LOC128462377: variants seen among roughly 807,000 people sequenced by gnomAD.
chr16:89,415,261 C>CTTT, the LOC128462377 span, among the ~76,000 whole-genome samples: 14 of 84,534 alleles, frequency 1.7e-4, no homozygotes, highest in East Asian at 3.5e-4. Context: ...GCCAGCTATT[C>CTTT]TTTTTTTTTT....
chr16:89,381,938 G>T, the LOC128462377 span, among the ~76,000 whole-genome samples: 1 of 152,182 alleles, frequency 6.6e-6, no homozygotes, highest in African/African-American at 2.4e-5. Flanking sequence ...CTCTCCACGG[G>T]GCTCAGACTG....
At chr16:89,394,763 TA>T in the LOC128462377 span, among the ~76,000 whole-genome samples, 1 of 152,198 alleles carries the variant, frequency 6.6e-6, no homozygotes, top group Non-Finnish European at 1.5e-5. Flanking sequence ...AAGGATGCTG[TA>T]AAATTACACA....
At chr16:89,319,124 G>A in the LOC128462377 span, among the ~76,000 whole-genome samples, 2 of 152,172 alleles carry the variant, frequency 1.3e-5, no homozygotes, top group African/African-American at 4.8e-5. Context: ...ACGGAAAAAC[G>A]GGGCCTTCAC....
At chr16:89,410,736 G>C in the LOC128462377 span, among the ~76,000 whole-genome samples, 4 of 152,208 alleles carry the variant, frequency 2.6e-5, no homozygotes, top group Non-Finnish European at 2.9e-5. Flanking sequence ...AGCATCCTTG[G>C]ATTTACAAAG....
At chr16:89,345,163 C>A in the LOC128462377 span, among the ~76,000 whole-genome samples, 1 of 151,918 alleles carries the variant, frequency 6.6e-6, no homozygotes, top group African/African-American at 2.4e-5. Context: ...AAACTCCCAA[C>A]ATAACCACAA....
the LOC128462377 span, among the ~76,000 whole-genome samples, chr16:89,365,843 C>T: frequency 1.3e-5 from 2 of 152,116 alleles, no homozygotes; most frequent in African/African-American, 2.4e-5. Context: ...GTTATTTTTT[C>T]TGTTCCTCTC....
At chr16:89,361,852 A>T in the LOC128462377 span, among the ~76,000 whole-genome samples, 1 of 152,346 alleles carries the variant, frequency 6.6e-6, no homozygotes, top group East Asian at 1.9e-4. Context: ...AACAAAAAAA[A>T]TCCGCACTCT....
the LOC128462377 span, among the ~76,000 whole-genome samples, chr16:89,341,783 C>T: frequency 6.6e-6 from 1 of 152,374 alleles, no homozygotes; most frequent in South Asian, 2.1e-4. Context: ...AAAAAGTGGC[C>T]AAGAGATGGC....
At chr16:89,381,268 G>T in the LOC128462377 span, among the ~76,000 whole-genome samples, 2 of 150,176 alleles carry the variant, frequency 1.3e-5, no homozygotes, top group African/African-American at 4.9e-5. Flanking sequence ...GGAGGCGGAG[G>T]TTGCAGTGAG....
At chr16:89,364,880 G>A in the LOC128462377 span, among the ~76,000 whole-genome samples, 1 of 152,228 alleles carries the variant, frequency 6.6e-6, no homozygotes, top group Admixed American at 6.5e-5. Context: ...CTGGCACGCA[G>A]ATGGCCCAGG....
At chr16:89,409,569 G>C in the LOC128462377 span, among the ~76,000 whole-genome samples, 1 of 152,170 alleles carries the variant, frequency 6.6e-6, no homozygotes, top group Non-Finnish European at 1.5e-5. Flanking sequence ...ATCACACAGC[G>C]TTGGGAGGCA....
the LOC128462377 span, among the ~76,000 whole-genome samples, chr16:89,346,984 G>C: frequency 1.3e-5 from 2 of 152,188 alleles, no homozygotes; most frequent in Non-Finnish European, 2.9e-5. Context: ...AGGAAGGCGC[G>C]AACTGTCTGC....
chr16:89,417,175 A>G, the LOC128462377 span, among the ~76,000 whole-genome samples: 2 of 152,226 alleles, frequency 1.3e-5, no homozygotes, highest in Admixed American at 6.5e-5. Context: ...GGTGTATTTT[A>G]AAGTGGCCTG....
the LOC128462377 span, among the ~76,000 whole-genome samples, chr16:89,348,002 C>T: frequency 2.6e-5 from 4 of 151,874 alleles, no homozygotes; most frequent in South Asian, 4.2e-4. Context: ...GGCATGATCT[C>T]GGCTCACTGC....
At chr16:89,319,711 A>C in the LOC128462377 span, among the ~76,000 whole-genome samples, 1 of 152,360 alleles carries the variant, frequency 6.6e-6, no homozygotes, top group East Asian at 1.9e-4. Context: ...GATGTGGATG[A>C]AGCTGGTTTG....
At chr16:89,333,550 G>A in the LOC128462377 span, among the ~76,000 whole-genome samples, 1 of 152,200 alleles carries the variant, frequency 6.6e-6, no homozygotes, top group Non-Finnish European at 1.5e-5. Context: ...AGCCCCTGGC[G>A]TCACTGATCT....
chr16:89,390,366 A>T, the LOC128462377 span, among the ~76,000 whole-genome samples: 1 of 150,780 alleles, frequency 6.6e-6, no homozygotes, highest in Non-Finnish European at 1.5e-5. Context: ...TGTGGCGGGG[A>T]GCACTGAGAG....
chr16:89,349,861 AACACACACACACACACAC>A, the LOC128462377 span, among the ~76,000 whole-genome samples: 5,902 of 133,224 alleles, frequency 0.044, 198 homozygotes, highest in East Asian at 0.19. Context: ...TACTTGTTAA[AACACACACACACACACAC>A]ACACACACAC....
At chr16:89,389,174 A>G in the LOC128462377 span, among the ~76,000 whole-genome samples, 1 of 151,544 alleles carries the variant, frequency 6.6e-6, no homozygotes, top group African/African-American at 2.4e-5. Context: ...ACACGCCACT[A>G]CGTCTGGCTA....
Sources: gnomAD v4.1 joint callset for allele counts (sites outside exome capture counted in the v4.1 genomes callset) on GRCh38, gnomAD v4.1.1 for gene constraint, MANE v1.5 for transcripts.